MYO1E: variants seen among roughly 807,000 people sequenced by gnomAD.
The protein encoded by MYO1E is unconventional myosin-Ie.
A neutral mutation model predicts 151.1 loss-of-function variants in MYO1E; 68 were observed. That is an observed-to-expected ratio of 0.45 (90% CI 0.37 to 0.55). The LOEUF is 0.55. MYO1E is among the 20% of genes least tolerant of loss of function. MYO1E has a pLI of 0.00. For synonymous variants in MYO1E, 601 were observed against 501.7 expected (o/e 1.20, Z -2.64); for missense variants, 1,363 against 1,389.3 (o/e 0.98, Z 0.30).
At chr15:59,303,776 G>A (rs1208980953) in intron 1 of MYO1E, among the ~76,000 whole-genome samples, 1 of 152,056 alleles carries the variant, frequency 6.6e-6, no homozygotes, top group African/African-American at 2.4e-5. Context: ...CACAGTGACT[G>A]CACACAAAAC....
chr15:59,173,663 G>A (rs2079608218), intron 21 of MYO1E, 83 bp downstream of exon 21: 2 of 1,546,026 alleles, frequency 1.3e-6, no homozygotes, highest in African/African-American at 1.4e-5. Context: ...TTCTGATTTG[G>A]TAACAACAAA....
At chr15:59,271,170 C>G (rs1458027689) in intron 2 of MYO1E, 2 of 152,204 alleles carry the variant, frequency 1.3e-5, no homozygotes, top group Non-Finnish European at 2.9e-5. Flanking sequence ...CCCCCCACGA[C>G]TTACCAGTGA....
intron 26 of MYO1E, among the ~76,000 whole-genome samples, chr15:59,145,699 T>C (rs1245721230): frequency 6.6e-6 from 1 of 152,218 alleles, no homozygotes; most frequent in African/African-American, 2.4e-5. Context: ...GCCTACTTAT[T>C]TTCCTCTATC....
At chr15:59,297,145 C>T (rs1454464395) in intron 1 of MYO1E, among the ~76,000 whole-genome samples, 2 of 151,456 alleles carry the variant, frequency 1.3e-5, no homozygotes, top group Non-Finnish European at 2.9e-5. Context: ...AGCCACCGCA[C>T]CCGGCCAGGA....
chr15:59,308,094 G>A (rs777539988), intron 1 of MYO1E, among the ~76,000 whole-genome samples: 33 of 151,164 alleles, frequency 2.2e-4, no homozygotes, highest in Non-Finnish European at 3.8e-4. Context: ...GTGGTGGCAT[G>A]CATCTGTAGT....
At chr15:59,219,614 A>C (rs2140346895) in intron 9 of MYO1E, among the ~76,000 whole-genome samples, 1 of 152,370 alleles carries the variant, frequency 6.6e-6, no homozygotes, top group African/African-American at 2.4e-5. Context: ...TGTTTCACAA[A>C]AATGCTTTGA....
At position 59,356,971 on chromosome 15, in the gene MYO1E, T is replaced by G. The variant is rs560816376; in HGVS notation, c.3+15527A>C. On this transcript the variant is annotated intron_variant, in intron 1 of 27. Transcript: ENST00000288235. ...CCTAGGCTGGAGTGCAATGGCACGA[T>G]CTCGGCTCACTGCAACCTCCACCTC... Among the ~76,000 whole-genome samples, 8 of 151,730 alleles carry G rather than the reference T, an allele frequency of 5.3e-5. No homozygotes were observed. The East Asian group carries it at 1.4e-3, about 26-fold the overall frequency.
chr15:59,168,520 G>C (rs1423586473), intron 22 of MYO1E, among the ~76,000 whole-genome samples: 1 of 152,082 alleles, frequency 6.6e-6, no homozygotes. Context: ...ACTCCAGCCT[G>C]GGTGGCAAAG....
intron 25 of MYO1E, among the ~76,000 whole-genome samples, chr15:59,157,723 A>C (rs1486765620): frequency 6.6e-6 from 1 of 152,232 alleles, no homozygotes; most frequent in Non-Finnish European, 1.5e-5. Context: ...ATTCAGTAAC[A>C]ATATATCTTC....
chr15:59,227,588 T>C lies in MYO1E; in HGVS notation c.513A>G (p.Gly171=). ...GACTGAACTGGATTTCAAAGTATTTTCCCTGCAAGAAAGTTAGGGATTTCC... is the reference window on the plus strand; with the variant it reads ...GACTGAACTGGATTTCAAAGTATTTCCCCTGCAAGAAAGTTAGGGATTTCC... ...TVRNNNSSRF[G]KYFEIQFSPG... The change falls in exon 7 of 28, where the codon GGA becomes GGG. Residue 171 remains glycine, a splice_region_variant and synonymous_variant. Transcript: ENST00000288235. 2 of 1,614,160 alleles carry C rather than the reference T, an allele frequency of 1.2e-6. No individual in the cohort carries two copies. Among genetic ancestry groups the C allele is most frequent in the Non-Finnish European group, 1.7e-6 (2 of 1,180,008 alleles).
At chr15:59,271,239 T>A (rs1394756298) in intron 2 of MYO1E, 1 of 152,206 alleles carries the variant, frequency 6.6e-6, no homozygotes, top group African/African-American at 2.4e-5. Flanking sequence ...TTTTAGCTAA[T>A]AGTCAAAAAA....
At chr15:59,148,572 C>A (rs1220698495) in intron 26 of MYO1E, among the ~76,000 whole-genome samples, 1 of 152,098 alleles carries the variant, frequency 6.6e-6, no homozygotes, top group Non-Finnish European at 1.5e-5. Flanking sequence ...AAATGGATGC[C>A]AGGAATTCCT....
chr15:59,347,031 G>C (rs1157851397), intron 1 of MYO1E, among the ~76,000 whole-genome samples: 1 of 152,186 alleles, frequency 6.6e-6, no homozygotes, highest in African/African-American at 2.4e-5. Context: ...TGGGTATAAG[G>C]CATCAGTTAC....
At chr15:59,315,455 G>C (rs2080582192) in intron 1 of MYO1E, among the ~76,000 whole-genome samples, 1 of 151,692 alleles carries the variant, frequency 6.6e-6, no homozygotes, top group Admixed American at 6.6e-5. Flanking sequence ...TAATACCTAG[G>C]TGATGGGTTG....
chr15:59,280,005 T>C (rs767712042), intron 1 of MYO1E, among the ~76,000 whole-genome samples: 9 of 152,326 alleles, frequency 5.9e-5, no homozygotes, highest in African/African-American at 1.4e-4. Flanking sequence ...AGATAATGGA[T>C]GTGAAAGTCT....
At chr15:59,358,939 C>T (rs965929) in intron 1 of MYO1E, among the ~76,000 whole-genome samples, 122,171 of 152,048 alleles carry the variant, frequency 0.8, 50,023 homozygotes, top group Non-Finnish European at 0.89. Context: ...TAGGTCAGGC[C>T]ACCACAGTTC....
chr15:59,207,887 T>C, intron 14 of MYO1E: 3 of 1,614,172 alleles, frequency 1.9e-6, no homozygotes, highest in Non-Finnish European at 2.5e-6. Flanking sequence ...TTGAAGAATC[T>C]TAGGAGAATA....
chr15:59,164,249 A>G (rs2079552705), intron 22 of MYO1E, among the ~76,000 whole-genome samples: 1 of 152,226 alleles, frequency 6.6e-6, no homozygotes, highest in African/African-American at 2.4e-5. Context: ...CCACCACCCC[A>G]AAGACTATAA....
At chr15:59,356,056 TCACTGGCAACATATACAACAG>T (rs1307315858) in intron 1 of MYO1E, among the ~76,000 whole-genome samples, 1 of 152,188 alleles carries the variant, frequency 6.6e-6, no homozygotes, top group Non-Finnish European at 1.5e-5. Flanking sequence ...CTTGTGAAAA[TCACTGGCAACATATACAACAG>T]ATTCTGTTTT....
Sources: allele counts gnomAD v4.1 joint callset (sites outside exome capture counted in the v4.1 genomes callset), GRCh38; gene constraint gnomAD v4.1.1; transcripts MANE v1.5; gene names NCBI Gene and HGNC (gene_info 2026-07-23, HGNC 2026-07-21).